The following FRAS1 variants were observed in gnomAD, a reference collection of about 807,000 sequenced individuals.
FRAS1 encodes Fraser extracellular matrix complex subunit 1, also known as extracellular matrix organizing protein FRAS1.
In FRAS1, 290 loss-of-function variants were observed where a neutral mutation model predicts 435.2. The ratio of observed to expected loss-of-function variants is 0.67; its 90% confidence interval spans 0.61 to 0.73. The LOEUF (loss-of-function observed/expected upper bound fraction) is 0.73, where lower values mean the gene tolerates loss of function less well. Among genes scored for constraint, FRAS1 ranks in the 30% least tolerant of loss-of-function variants. The pLI, the probability that FRAS1 is intolerant of heterozygous loss-of-function variation, is 0.00. For synonymous variants in FRAS1, 1,800 were observed against 1,851.0 expected, an observed-to-expected ratio of 0.97 and a Z score of 0.71; for missense variants, 4,860 against 5,001.5, an observed-to-expected ratio of 0.97 and a Z score of 0.85.
Position 78,513,535 on chromosome 4 carries a change from A to T in FRAS1, c.10157A>T (p.Asp3386Val). ...HVCSNLVTTY[D>V]LRGISEAGFL... Reference sequence around the variant, plus strand: ...TGCTCCAATTTAGTTACCACCTATGACCTGAGAGGCATCTCAGGTGAGATT... The same window carrying T: ...TGCTCCAATTTAGTTACCACCTATGTCCTGAGAGGCATCTCAGGTGAGATT... Residue 3386 changes from aspartate (D) to valine (V), a missense_variant, in exon 65 of 74, where the codon GAC becomes GTC. Physicochemically the swap from Asp to Val is radical, Grantham distance 152. Coordinates refer to ENST00000512123, the MANE Select transcript of FRAS1 (RefSeq NM_025074.7). The T allele has an allele frequency of 1.2e-6, 2 of 1,613,624 alleles. No individual in the cohort carries two copies. Among genetic ancestry groups the T allele is most frequent in the Non-Finnish European group, 1.7e-6 (2 of 1,179,786 alleles).
intron 14 of FRAS1, among the ~76,000 whole-genome samples, chr4:78,302,577 G>A (rs1388443345): frequency 1.3e-5 from 2 of 152,034 alleles, no homozygotes; most frequent in East Asian, 1.9e-4. Context: ...TCTCATTGTG[G>A]TTTTGATTTG....
At chr4:78,508,602 ACTTCTC>A (rs1400826798) in intron 62 of FRAS1, 123 bp from the exon 63 acceptor site, 9 of 914,316 alleles carry the variant, frequency 9.8e-6, no homozygotes, top group Non-Finnish European at 1.3e-5. Flanking sequence ...AATTATAAAA[ACTTCTC>A]CTGTTATATT....
chr4:78,487,053 C>T (rs190282452), intron 58 of FRAS1, among the ~76,000 whole-genome samples: 88 of 152,212 alleles, frequency 5.8e-4, no homozygotes, highest in African/African-American at 1.9e-3. Flanking sequence ...CTGCTGGGAG[C>T]GGAAAAGCTT....
intron 2 of FRAS1, among the ~76,000 whole-genome samples, chr4:78,204,922 C>T (rs892770043): frequency 2.0e-5 from 3 of 152,132 alleles, no homozygotes; most frequent in Non-Finnish European, 4.4e-5. Context: ...GTAAAAGATA[C>T]TAGTTTCCAG....
At chr4:78,092,253 T>C (rs1346945415) in intron 2 of FRAS1, among the ~76,000 whole-genome samples, 1 of 152,146 alleles carries the variant, frequency 6.6e-6, no homozygotes, top group African/African-American at 2.4e-5. Flanking sequence ...CTCTGTCCTG[T>C]AGGCTGGATT....
chr4:78,446,970 T>G, intron 43 of FRAS1, 90 bp downstream of exon 43: 4 of 1,258,700 alleles, frequency 3.2e-6, no homozygotes, highest in Non-Finnish European at 4.4e-6. Context: ...GACTATTTCT[T>G]TTCTTGTATA....
chr4:78,468,327 G>A lies in FRAS1; in HGVS notation c.7258-1651G>A, dbSNP rs557183454. Among the ~76,000 whole-genome samples, 8 of 152,188 alleles carry A rather than the reference G, an allele frequency of 5.3e-5. No homozygotes were observed. In the South Asian group the frequency reaches 6.2e-4, roughly 12 times the overall value. Reference sequence around the variant, plus strand: ...AGATACTCATTTAATTTCCAGCCCTGTCATGTACAAACTGAATATACTTGT... The same window carrying A: ...AGATACTCATTTAATTTCCAGCCCTATCATGTACAAACTGAATATACTTGT... On this transcript the variant is annotated intron_variant, in intron 50 of 73. Coordinates refer to ENST00000512123, the MANE Select transcript of FRAS1 (RefSeq NM_025074.7).
chr4:78,334,187 A>G (rs1313769086), intron 19 of FRAS1, among the ~76,000 whole-genome samples: 1 of 152,166 alleles, frequency 6.6e-6, no homozygotes, highest in African/African-American at 2.4e-5. Context: ...GGAAAAATAA[A>G]TGGGGGTTTG....
intron 29 of FRAS1, among the ~76,000 whole-genome samples, chr4:78,400,483 TA>T (rs1285343232): frequency 3.9e-5 from 6 of 152,190 alleles, no homozygotes; most frequent in Non-Finnish European, 8.8e-5. Flanking sequence ...TGGAGAGACT[TA>T]GTCTTTCTAA....
At chr4:78,284,255 T>C in intron 12 of FRAS1, 150 bp from the exon 13 acceptor site, 1 of 452,418 alleles carries the variant, frequency 2.2e-6, no homozygotes, top group South Asian at 3.4e-5. Context: ...TTTTTTTTGC[T>C]ATTTAGGAGG....
intron 18 of FRAS1, among the ~76,000 whole-genome samples, chr4:78,330,650 T>C (rs1366679564): frequency 6.6e-6 from 1 of 152,086 alleles, no homozygotes; most frequent in Non-Finnish European, 1.5e-5. Context: ...AGGGGTGAAA[T>C]AGACCCCAGT....
At chr4:78,362,565 TG>T (rs1731115615) in intron 20 of FRAS1, among the ~76,000 whole-genome samples, 1 of 152,174 alleles carries the variant, frequency 6.6e-6, no homozygotes, top group Non-Finnish European at 1.5e-5. Flanking sequence ...CCAGGTGGTG[TG>T]TTGCCTTGTT....
At chr4:78,267,541 G>A in intron 9 of FRAS1, 109 bp downstream of exon 9, 1 of 970,246 alleles carries the variant, frequency 1.0e-6, no homozygotes, top group South Asian at 1.7e-5. Context: ...TGTCCACATT[G>A]ACTTCTCACA....
At chr4:78,232,337 G>A (rs1724550965) in intron 2 of FRAS1, among the ~76,000 whole-genome samples, 1 of 151,368 alleles carries the variant, frequency 6.6e-6, no homozygotes, top group African/African-American at 2.4e-5. Flanking sequence ...CCAGGCTGGA[G>A]TGCAGTGGTG....
At chr4:78,418,640 G>A (rs559184310) in intron 32 of FRAS1, among the ~76,000 whole-genome samples, 93 of 152,288 alleles carry the variant, frequency 6.1e-4, no homozygotes, top group Non-Finnish European at 1.0e-3. Flanking sequence ...TTGCAAACGT[G>A]TTCCACCTAG....
chr4:78,301,527 T>C (rs1333613001), intron 14 of FRAS1, among the ~76,000 whole-genome samples: 2 of 152,026 alleles, frequency 1.3e-5, no homozygotes, highest in Admixed American at 6.6e-5. Context: ...GGGAAAGAGA[T>C]AAAAAGGCAA....
intron 29 of FRAS1, among the ~76,000 whole-genome samples, chr4:78,399,139 A>C (rs1489225708): frequency 6.6e-6 from 1 of 152,164 alleles, no homozygotes; most frequent in Non-Finnish European, 1.5e-5. Context: ...AGAAAGGAGA[A>C]TATTCTCTGG....
chr4:78,388,153 G>A (rs534870112), intron 29 of FRAS1, among the ~76,000 whole-genome samples: 2 of 151,818 alleles, frequency 1.3e-5, no homozygotes, highest in East Asian at 2.0e-4. Context: ...GTGAAACCCC[G>A]TCTCTACTGA....
chr4:78,283,041 C>A, intron 12 of FRAS1, 74 bp downstream of exon 12: 2 of 1,156,600 alleles, frequency 1.7e-6, no homozygotes, highest in Non-Finnish European at 2.3e-6. Context: ...CTTCCCCACC[C>A]CCTTGCTTCT....
Sources: allele counts gnomAD v4.1 joint callset (sites outside exome capture counted in the v4.1 genomes callset), GRCh38; gene constraint gnomAD v4.1.1; transcripts MANE v1.5; gene names NCBI Gene and HGNC (gene_info 2026-07-23, HGNC 2026-07-21).